The following ZNF469 variants were observed in gnomAD, a reference collection of about 807,000 sequenced individuals.
ZNF469 encodes the protein zinc finger protein 469.
Under a neutral mutation model 1.0 loss-of-function variants are expected in ZNF469, and 1 was observed. That is an observed-to-expected ratio of 1.00 (90% CI 0.35 to 4.73). The LOEUF (loss-of-function observed/expected upper bound fraction) is 4.73, where lower values mean the gene tolerates loss of function less well. Among genes scored for constraint, ZNF469 ranks in the 30% most tolerant of loss-of-function variants. The probability of loss-of-function intolerance (pLI) is 0.16; values close to 1 mark genes in which losing one functional copy is unlikely to be tolerated. For missense variants in ZNF469, 6,100 were observed against 5,356.3 expected (o/e 1.14, Z -4.33); for synonymous variants, 2,703 against 2,363.4 (o/e 1.14, Z -4.17).
the ZNF469 span, among the ~76,000 whole-genome samples, chr16:88,303,745 T>TC: frequency 1.3e-5 from 2 of 152,048 alleles, no homozygotes; most frequent in Non-Finnish European, 2.9e-5. Flanking sequence ...CATGTTTGAC[T>TC]CCCCCTGAAA....
chr16:88,256,947 TTTCTTTTC>T, the ZNF469 span, among the ~76,000 whole-genome samples: 1 of 15,706 alleles, frequency 6.4e-5, no homozygotes, highest in Non-Finnish European at 1.8e-4. Context: ...TCTTTCTTTC[TTTCTTTTC>T]TTTTCTTTCG....
the ZNF469 span, among the ~76,000 whole-genome samples, chr16:88,216,580 T>C: frequency 6.6e-6 from 1 of 152,242 alleles, no homozygotes; most frequent in Non-Finnish European, 1.5e-5. Flanking sequence ...TATTGTTGAT[T>C]CTTGGAAGAC....
intron 1 of ZNF469, among the ~76,000 whole-genome samples, chr16:88,415,891 C>T (rs1246581202): frequency 6.6e-6 from 1 of 152,258 alleles, no homozygotes; most frequent in Non-Finnish European, 1.5e-5. Flanking sequence ...CTTCCTCAAG[C>T]TGGGGCGGCA....
chr16:88,374,583 G>A, the ZNF469 span, among the ~76,000 whole-genome samples: 2 of 152,374 alleles, frequency 1.3e-5, no homozygotes, highest in South Asian at 2.1e-4. Flanking sequence ...ATGACATGAC[G>A]AAGTCCATGT....
chr16:88,287,465 G>C, the ZNF469 span, among the ~76,000 whole-genome samples: 1 of 152,180 alleles, frequency 6.6e-6, no homozygotes, highest in Non-Finnish European at 1.5e-5. Flanking sequence ...CTACCACTAG[G>C]GGGAGACAAC....
At chr16:88,391,198 AG>A (rs1904482476) in intron 1 of ZNF469, among the ~76,000 whole-genome samples, 1 of 152,186 alleles carries the variant, frequency 6.6e-6, no homozygotes, top group African/African-American at 2.4e-5. Flanking sequence ...AGATGTGGAG[AG>A]CACCTCAATG....
At chr16:88,201,515 A>G in the ZNF469 span, among the ~76,000 whole-genome samples, 2 of 152,238 alleles carry the variant, frequency 1.3e-5, no homozygotes, top group East Asian at 3.9e-4. This position sits in a 1 kb window ranked among gnomAD's most constrained non-coding sequence, Gnocchi z 5.0. Context: ...AGATTGTGCC[A>G]CTGCACTCCA....
rs1438537900 is a variant in ZNF469 at position 88,431,181 on chromosome 16, C to T, written c.3711C>T (p.Asp1237=). 1.3e-6 allele frequency: 2 copies of T among 1,550,382 alleles called. No homozygotes were observed. The highest frequency in any genetic ancestry group is 2.4e-5 in the South Asian group (2 of 84,064). Residue 1237 remains aspartate, a synonymous_variant, in exon 3 of 3, where the codon GAC becomes GAT. Coordinates refer to ENST00000565624, the MANE Select transcript of ZNF469 (RefSeq NM_001367624.2). The part of the protein sequence containing the change: ...EPETAEESAP[D]STEFTEALRS... ...AAACTGCCGAAGAGTCAGCCCCGGA[C>T]AGCACAGAATTCACAGAGGCTTTGC... is the stretch of plus-strand genomic sequence containing the variant.
chr16:88,352,800 G>A, the ZNF469 span, among the ~76,000 whole-genome samples: 1 of 152,196 alleles, frequency 6.6e-6, no homozygotes, highest in Non-Finnish European at 1.5e-5. Flanking sequence ...TGGGCATATG[G>A]CTGCCCCGGC....
chr16:88,406,686 C>T (rs1169045105), intron 1 of ZNF469, among the ~76,000 whole-genome samples: 2 of 152,170 alleles, frequency 1.3e-5, no homozygotes, highest in African/African-American at 2.4e-5. Flanking sequence ...TCCCTGTGTG[C>T]ATGTCTGCGG....
the ZNF469 span, among the ~76,000 whole-genome samples, chr16:88,185,322 CACAT>C: frequency 6.6e-5 from 10 of 152,228 alleles, no homozygotes; most frequent in Admixed American, 4.6e-4. Flanking sequence ...GTCACACATT[CACAT>C]ACACTCACAT....
chr16:88,385,808 T>G (rs1257832313), intron 1 of ZNF469, among the ~76,000 whole-genome samples: 1 of 152,064 alleles, frequency 6.6e-6, no homozygotes, highest in Non-Finnish European at 1.5e-5. Context: ...GGGACTTTAT[T>G]TCTCATCAGA....
chr16:88,109,551 G>A, the ZNF469 span, among the ~76,000 whole-genome samples: 4 of 146,334 alleles, frequency 2.7e-5, no homozygotes, highest in African/African-American at 1.0e-4. Flanking sequence ...AGGAGGTGCT[G>A]AGCATCTGTG....
the ZNF469 span, among the ~76,000 whole-genome samples, chr16:88,125,641 C>A: frequency 6.6e-6 from 1 of 152,112 alleles, no homozygotes; most frequent in Non-Finnish European, 1.5e-5. Context: ...ACTATCAGGT[C>A]TAGCTCATAC....
the ZNF469 span, among the ~76,000 whole-genome samples, chr16:88,139,175 C>T: frequency 3.1e-5 from 3 of 95,562 alleles, no homozygotes; most frequent in African/African-American, 7.6e-5. Context: ...TGCTCTGCAT[C>T]CCACATGCTG....
chr16:88,250,516 G>A, the ZNF469 span, among the ~76,000 whole-genome samples: 11 of 152,218 alleles, frequency 7.2e-5, 2 homozygotes, highest in South Asian at 1.9e-3. Flanking sequence ...GTAAATTTAT[G>A]TTTTGCACCA....
At chr16:88,367,096 T>G in the ZNF469 span, among the ~76,000 whole-genome samples, 1 of 152,216 alleles carries the variant, frequency 6.6e-6, no homozygotes, top group African/African-American at 2.4e-5. Flanking sequence ...TTCCCCCTTT[T>G]TGCGTCCCCT....
At chr16:88,403,348 G>C (rs1904936882) in intron 1 of ZNF469, among the ~76,000 whole-genome samples, 1 of 152,240 alleles carries the variant, frequency 6.6e-6, no homozygotes, top group South Asian at 2.1e-4. Context: ...CTCTGCGTGG[G>C]TTTGGTGGCT....
the ZNF469 span, among the ~76,000 whole-genome samples, chr16:88,239,793 C>T: frequency 2.5e-4 from 35 of 142,178 alleles, no homozygotes; most frequent in Admixed American, 4.4e-4. Context: ...ATCTCCTGAC[C>T]TCGTGATCTG....
Sources: allele counts gnomAD v4.1 joint callset (sites outside exome capture counted in the v4.1 genomes callset), GRCh38; gene constraint gnomAD v4.1.1; non-coding constraint Gnocchi (gnomAD v3.1); transcripts MANE v1.5; gene names NCBI Gene and HGNC (gene_info 2026-07-23, HGNC 2026-07-21).